The following RAB3B variants were observed in gnomAD, a reference collection of about 807,000 sequenced individuals.
RAB3B encodes RAB3B, member RAS oncogene family.
Under a neutral mutation model 20.5 loss-of-function variants are expected in RAB3B, and 11 were observed. The observed-to-expected ratio is 0.54, with a 90% CI of 0.34 to 0.89. RAB3B has a LOEUF of 0.89. Among genes scored for constraint, RAB3B ranks in the 40% least tolerant of loss-of-function variants. RAB3B has a pLI of 0.02. For synonymous variants in RAB3B, 99 were observed against 106.3 expected (o/e 0.93, Z 0.42); for missense variants, 225 against 280.9 (o/e 0.80, Z 1.42).
chr1:51,963,482 C>T (rs940662103), intron 2 of RAB3B, among the ~76,000 whole-genome samples: 4 of 152,206 alleles, frequency 2.6e-5, no homozygotes, highest in Non-Finnish European at 5.9e-5. Flanking sequence ...CAGAGCAAAA[C>T]ATGGCTGGAG....
chr1:51,971,922 T>C (rs1056441737), intron 2 of RAB3B, among the ~76,000 whole-genome samples: 3 of 152,184 alleles, frequency 2.0e-5, no homozygotes, highest in Non-Finnish European at 4.4e-5. Context: ...GGGTCACGCC[T>C]GTAATCCCAG....
At chr1:51,983,819 G>T (rs973477355) in intron 1 of RAB3B, among the ~76,000 whole-genome samples, 1 of 147,520 alleles carries the variant, frequency 6.8e-6, no homozygotes, top group African/African-American at 2.5e-5. Context: ...AATTAGCCAG[G>T]TGTGGTGGCG....
In RAB3B at chr1:51,919,819, G is replaced by T; in HGVS notation, c.*108C>A. 1 of 1,141,576 alleles carries T rather than the reference G, an allele frequency of 8.8e-7. No homozygotes were observed. The highest frequency in any genetic ancestry group is 1.2e-6 in the Non-Finnish European group (1 of 813,352). The allele number at this position is 1,141,576 out of a possible 1,614,324, so 70.7% of individuals were successfully genotyped here. A position where few individuals can be genotyped will look rare whatever the true frequency, so the allele number is the denominator to read the frequency against. ...CAGCAACTCATCTTGCTCTGAGTGT[G>T]GGCAGTGTGTAACAGGGAGAGTGGG... On this transcript the variant is annotated 3_prime_UTR_variant, in exon 5 of 5. Coordinates refer to ENST00000371655, the MANE Select transcript of RAB3B (RefSeq NM_002867.4).
chr1:51,988,314 C>T (rs907958498), intron 1 of RAB3B, among the ~76,000 whole-genome samples: 1 of 152,210 alleles, frequency 6.6e-6, no homozygotes, highest in African/African-American at 2.4e-5. Context: ...TGACCCATCA[C>T]CACCTTCTCA....
At chr1:51,936,418 A>T (rs1477448994) in intron 3 of RAB3B, among the ~76,000 whole-genome samples, 2 of 152,158 alleles carry the variant, frequency 1.3e-5, no homozygotes, top group African/African-American at 4.8e-5. Context: ...CCAGGGATAA[A>T]CTTTAAGTGC....
chr1:51,949,563 G>A (rs1052547180), intron 2 of RAB3B, among the ~76,000 whole-genome samples: 2 of 152,242 alleles, frequency 1.3e-5, no homozygotes, highest in African/African-American at 4.8e-5. Context: ...GCTGACATGA[G>A]AGCAGGCTTT....
intron 2 of RAB3B, among the ~76,000 whole-genome samples, chr1:51,976,266 A>G (rs1343432333): frequency 6.6e-6 from 1 of 152,024 alleles, no homozygotes; most frequent in East Asian, 1.9e-4. Flanking sequence ...CCTGGGCTCA[A>G]GCAATCCTTC....
Position 51,915,520 on chromosome 1 carries a change from C to T in RAB3B, c.*4407G>A, listed in dbSNP as rs1684070967. 1 of 152,150 alleles carries T rather than the reference C, an allele frequency of 6.6e-6. No individual in the cohort carries two copies. Among genetic ancestry groups the T allele is most frequent in the Non-Finnish European group, 1.5e-5 (1 of 68,036 alleles). The allele number at this position is 152,150 out of a possible 1,614,324, so 9.4% of individuals were successfully genotyped here. The stretch of plus-strand genomic sequence containing the variant: ...CCATTCAGTACACTCTACTCCACTG[C>T]TGCTCCTAGAAGTTAATAATGCTAT... On this transcript the variant is annotated 3_prime_UTR_variant, in exon 5 of 5. Coordinates refer to ENST00000371655, the MANE Select transcript of RAB3B (RefSeq NM_002867.4).
chr1:51,955,297 G>A (rs1016276205), intron 2 of RAB3B, among the ~76,000 whole-genome samples: 5 of 152,212 alleles, frequency 3.3e-5, no homozygotes, highest in African/African-American at 1.2e-4. Flanking sequence ...CATAGCCGAT[G>A]TGAATGCCCA....
intron 2 of RAB3B, among the ~76,000 whole-genome samples, chr1:51,939,662 A>G (rs1684462925): frequency 6.6e-6 from 1 of 152,158 alleles, no homozygotes; most frequent in African/African-American, 2.4e-5. Context: ...GCAGCCTCAA[A>G]TTCCCAGGCT....
rs1684416900 is a variant in RAB3B, at chr1:51,937,192, T to C, written c.347+102A>G. On this transcript the variant is annotated intron_variant, in intron 3 of 4. Transcript: ENST00000371655. ...TAAACTCCTGAGGCCAGTAACCATG[T>C]CTGATTCATCTGGGCTTCCCCAGCA... 4 of 859,874 alleles carry C rather than the reference T, an allele frequency of 4.7e-6. No homozygotes were observed. The East Asian group carries it at 1.1e-4, about 23-fold the overall frequency. The allele number at this position is 859,874 out of a possible 1,614,324, so 53.3% of individuals were successfully genotyped here. A position where few individuals can be genotyped will look rare whatever the true frequency, so the allele number is the denominator to read the frequency against.
rs937560856 is a variant in RAB3B at position 51,913,171 on chromosome 1, C to T, written c.*6756G>A. 1.3e-5 allele frequency: 2 copies of T among 152,120 alleles called. No homozygotes were observed. The highest frequency in any genetic ancestry group is 1.5e-5 in the Non-Finnish European group (1 of 68,018). 9.4% of individuals were successfully genotyped at this position (152,120 alleles called of 1,614,324 possible). ...GAAATGAGAAGTCAGATTCATCCCT[C>T]GGGGATAGCTAAGAGGTATCCAAAT... On this transcript the variant is annotated 3_prime_UTR_variant, in exon 5 of 5. Transcript: ENST00000371655.
At chr1:51,965,219 CAA>C (rs33966058) in intron 2 of RAB3B, among the ~76,000 whole-genome samples, 83,215 of 142,972 alleles carry the variant, frequency 0.58, 23,885 homozygotes, top group East Asian at 0.84. Flanking sequence ...AATTCTGTCT[CAA>C]AAAAAAAAAA....
chr1:51,967,515 C>CTTTTTTTTTTTTTTTTTTT (rs67927521), intron 2 of RAB3B, among the ~76,000 whole-genome samples: 2 of 16,432 alleles, frequency 1.2e-4, no homozygotes, highest in Non-Finnish European at 5.3e-4. Flanking sequence ...CTTTTCTTTT[C>CTTTTTTTTTTTTTTTTTTT]TTTTTCTTTT....
chr1:51,988,020 G>C (rs1685173145), intron 1 of RAB3B, among the ~76,000 whole-genome samples: 2 of 151,990 alleles, frequency 1.3e-5, no homozygotes, highest in Admixed American at 1.3e-4. Context: ...TGGGATTCCA[G>C]GTTTGAGCCA....
At chr1:51,941,899 T>A (rs768873209) in intron 2 of RAB3B, among the ~76,000 whole-genome samples, 1 of 152,202 alleles carries the variant, frequency 6.6e-6, no homozygotes, top group East Asian at 1.9e-4. Flanking sequence ...AATGGATAAA[T>A]GAGTGAATGA....
chr1:51,930,626 A>T (rs1684309548), intron 4 of RAB3B, among the ~76,000 whole-genome samples: 1 of 152,242 alleles, frequency 6.6e-6, no homozygotes, highest in Non-Finnish European at 1.5e-5. Flanking sequence ...TTTTAGAGGG[A>T]TTAAATTAGA....
chr1:51,981,521 T>C (rs1685087327), intron 1 of RAB3B, among the ~76,000 whole-genome samples: 1 of 152,240 alleles, frequency 6.6e-6, no homozygotes, highest in African/African-American at 2.4e-5. Flanking sequence ...TTATACTTTT[T>C]ATTTCTATAT....
chr1:51,977,757 A>G (rs1192828551), intron 1 of RAB3B, among the ~76,000 whole-genome samples: 2 of 152,172 alleles, frequency 1.3e-5, no homozygotes, highest in Non-Finnish European at 2.9e-5. Context: ...AGCCATGATC[A>G]TGCCACTGAA....
Sources: allele counts gnomAD v4.1 joint callset (sites outside exome capture counted in the v4.1 genomes callset), GRCh38; gene constraint gnomAD v4.1.1; transcripts MANE v1.5; gene names NCBI Gene and HGNC (gene_info 2026-07-23, HGNC 2026-07-21).